The following SPATC1L variants were observed in gnomAD, a reference collection of about 807,000 sequenced individuals.
The protein encoded by SPATC1L is spermatogenesis and centriole associated 1 like, also known as speriolin-like protein.
In SPATC1L, 20 loss-of-function variants were observed where a neutral mutation model predicts 21.2. The observed-to-expected ratio is 0.94, with a 90% CI of 0.66 to 1.37. SPATC1L has a LOEUF of 1.37. SPATC1L is among the 40% of genes most tolerant of loss of function. SPATC1L has a pLI of 0.00. For missense variants in SPATC1L, 499 were observed against 478.7 expected, an observed-to-expected ratio of 1.04 and a Z score of -0.40; for synonymous variants, 290 against 234.5, an observed-to-expected ratio of 1.24 and a Z score of -2.16.
rs763702250 is a variant in SPATC1L at position 46,161,515 on chromosome 21, A to T, written c.887T>A (p.Leu296Gln). ...GCGCAGCGCGGCCGGGCTGCTGTGC[A>T]GGGGGTTGGCGCGCAGGTCGGGCCG... is the stretch of plus-strand genomic sequence containing the variant. ...KQRPDLRANP[L>Q]HSSPAALRKL... The change falls in exon 5 of 5, where the codon CTG (leucine) becomes CAG (glutamine). Residue 296 changes from leucine (L) to glutamine (Q), a missense_variant. By Grantham distance (113) the Leu-to-Gln change is moderately radical (BLOSUM62 -2). Coordinates refer to ENST00000291672, the MANE Select transcript of SPATC1L (RefSeq NM_001142854.2). The T allele has an allele frequency of 6.2e-7, 1 of 1,609,830 alleles. No homozygotes were observed. Among genetic ancestry groups the T allele is most frequent in the Non-Finnish European group, 8.5e-7 (1 of 1,178,590 alleles).
intron 2 of SPATC1L, among the ~76,000 whole-genome samples, chr21:46,176,104 C>G (rs188109199): frequency 3.6e-4 from 55 of 152,244 alleles, no homozygotes; most frequent in African/African-American, 1.2e-3. Context: ...ATTCAACACC[C>G]CTTCATGTTA....
chr21:46,161,752 G>T (rs760914850), intron 4 of SPATC1L, 47 bp from the exon 5 acceptor site: 7 of 1,507,306 alleles, frequency 4.6e-6, no homozygotes, highest in Non-Finnish European at 5.3e-6. Context: ...GGGGCCCTCG[G>T]ACGGGGACTT....
At chr21:46,169,558 C>A (rs2079568523) in intron 2 of SPATC1L, among the ~76,000 whole-genome samples, 1 of 142,138 alleles carries the variant, frequency 7.0e-6, no homozygotes, top group Non-Finnish European at 1.5e-5. Flanking sequence ...GCCTCCTGCT[C>A]TGTGTACATC....
Position 46,161,458 on chromosome 21 carries a change from A to C in SPATC1L, c.944T>G (p.Phe315Cys), listed in dbSNP as rs763796724. ...KLVIDVVPPKFLGDSLLLLNC... is the reference protein window; with the variant it reads ...KLVIDVVPPKCLGDSLLLLNC... ...GAGCAGCAGCAGCGAGTCGCCCAGG[A>C]ACTTGGGGGGCACCACGTCGATGAC... The change falls in exon 5 of 5, where the codon TTC becomes TGC. Residue 315 changes from phenylalanine to cysteine, a missense_variant. Phe to Cys is a radical substitution (Grantham distance 205). Coordinates refer to ENST00000291672, the MANE Select transcript of SPATC1L (RefSeq NM_001142854.2). 17 of 1,593,638 alleles carry C rather than the reference A, an allele frequency of 1.1e-5. No individual in the cohort carries two copies. The South Asian group carries it at 1.9e-4, about 18-fold the overall frequency.
chr21:46,175,205 G>T (rs2123646384), intron 2 of SPATC1L, among the ~76,000 whole-genome samples: 1 of 152,314 alleles, frequency 6.6e-6, no homozygotes, highest in East Asian at 1.9e-4. Flanking sequence ...ACATCAAAAA[G>T]TTGGAAAGAT....
rs375940944 is a variant in SPATC1L at position 46,168,293 on chromosome 21, C to G, written c.544+15G>C. ...CACTGGGGGCCCCCCCAGGTGCCCC[C>G]GCACCCGGCCATACCATTGAGGTAG... is the stretch of plus-strand genomic sequence containing the variant. On this transcript the variant is annotated intron_variant, in intron 3 of 4. Coordinates refer to ENST00000291672, the MANE Select transcript of SPATC1L (RefSeq NM_001142854.2). The G allele has an allele frequency of 1.3e-6, 2 of 1,538,674 alleles. No homozygotes were observed. The highest frequency in any genetic ancestry group is 1.8e-6 in the Non-Finnish European group (2 of 1,132,866).
At chr21:46,167,879 C>T (rs1330021844) in intron 3 of SPATC1L, among the ~76,000 whole-genome samples, 2 of 152,142 alleles carry the variant, frequency 1.3e-5, no homozygotes, top group East Asian at 3.9e-4. Flanking sequence ...ATCTGTGTGA[C>T]CTTGGGCTTG....
At chr21:46,175,582 C>T (rs2079626869) in intron 2 of SPATC1L, among the ~76,000 whole-genome samples, 1 of 152,126 alleles carries the variant, frequency 6.6e-6, no homozygotes, top group South Asian at 2.1e-4. Context: ...TTCCTGGACA[C>T]ATACACCCTC....
intron 3 of SPATC1L, among the ~76,000 whole-genome samples, chr21:46,166,090 G>A (rs921255743): frequency 2.6e-5 from 4 of 152,196 alleles, no homozygotes; most frequent in Non-Finnish European, 5.9e-5. Context: ...AAATAGGCAG[G>A]TGCAGTAGCT....
At chr21:46,168,210 A>C in intron 3 of SPATC1L, 98 bp downstream of exon 3, 1 of 746,014 alleles carries the variant, frequency 1.3e-6, no homozygotes, top group African/African-American at 1.8e-5. Context: ...GTGTGACTGG[A>C]TGGAGAAACG....
Position 46,171,321 on chromosome 21 carries a change from G to A in SPATC1L, c.194-2663C>T, listed in dbSNP as rs545792223. ...CAAATACATATTAGAGAAAGTGTTC[G>A]GAGCCATATCAAAAAATTATACCTT... On this transcript the variant is annotated intron_variant, in intron 2 of 4. Coordinates refer to ENST00000291672, the MANE Select transcript of SPATC1L (RefSeq NM_001142854.2). 1.4e-4 allele frequency among the ~76,000 whole-genome samples: 21 copies of A among 152,066 alleles called. No homozygotes were observed. The East Asian group carries it at 1.5e-3, about 11-fold the overall frequency.
In SPATC1L at chr21:46,166,812, C is replaced by A. The variant is rs564574930; in HGVS notation, c.544+1496G>T. On this transcript the variant is annotated intron_variant, in intron 3 of 4. Transcript: ENST00000291672. ...TACTAGAGCTAAATCGAGAGACAGACCCCAGTACAATAGTAACTGGAGACT... is the reference window on the plus strand; with the variant it reads ...TACTAGAGCTAAATCGAGAGACAGAACCCAGTACAATAGTAACTGGAGACT... Among the ~76,000 whole-genome samples the A allele has an allele frequency of 3.9e-5, 6 of 152,272 alleles. No individual in the cohort carries two copies. In the South Asian group the frequency reaches 8.3e-4, roughly 21 times the overall value.
rs374831921 is a variant in SPATC1L at position 46,180,374 on chromosome 21, T to C, written c.193+2250A>G. On this transcript the variant is annotated intron_variant, in intron 2 of 4. Coordinates refer to ENST00000291672, the MANE Select transcript of SPATC1L (RefSeq NM_001142854.2). Reference sequence around the variant, plus strand: ...CAGAGAAAACCCAAGAGAACGTTGATTGTGGCTGCCTTTGCGGAGGGGGCC... The same window carrying C: ...CAGAGAAAACCCAAGAGAACGTTGACTGTGGCTGCCTTTGCGGAGGGGGCC... Among the ~76,000 whole-genome samples, 464 of 152,300 alleles carry C rather than the reference T, an allele frequency of 3.0e-3. 22 individuals are homozygous for C. In the South Asian group the frequency reaches 0.077, roughly 25 times the overall value.
At chr21:46,168,221 G>A (rs1198373696) in intron 3 of SPATC1L, 87 bp downstream of exon 3, 3 of 877,660 alleles carry the variant, frequency 3.4e-6, no homozygotes, top group African/African-American at 3.4e-5. Flanking sequence ...TGGAGAAACG[G>A]CCCTGCCTGA....
In SPATC1L at chr21:46,168,375, C is replaced by T. The variant is rs2079556035; in HGVS notation, c.477G>A (p.Lys159=). 1.2e-6 allele frequency: 2 copies of T among 1,611,340 alleles called. No individual in the cohort carries two copies. Among genetic ancestry groups the T allele is most frequent in the African/African-American group, 1.3e-5 (1 of 74,900 alleles). ...LLEPREMVRP[K]KVCFSESSLP... ...GGCTGCTCTCCGAGAAACACACCTT[C>T]TTAGGCCGGACCATCTCCCTGGGCT... Residue 159 remains lysine, a synonymous_variant, in exon 3 of 5, where the codon AAG becomes AAA. Transcript: ENST00000291672.
At chr21:46,173,135 G>C (rs1298744083) in intron 2 of SPATC1L, among the ~76,000 whole-genome samples, 2 of 152,210 alleles carry the variant, frequency 1.3e-5, no homozygotes, top group African/African-American at 4.8e-5. Flanking sequence ...AGGAGACTTT[G>C]GACCTAGGGG....
intron 4 of SPATC1L, 27 bp from the exon 5 acceptor site, chr21:46,161,732 T>C: frequency 6.8e-7 from 1 of 1,472,450 alleles, no homozygotes; most frequent in Non-Finnish European, 9.2e-7. Flanking sequence ...TGGATGGGGG[T>C]GGGGGGCTCG....
Position 46,162,083 on chromosome 21 carries a change from C to T in SPATC1L, c.545-16G>A, listed in dbSNP as rs761908271. On this transcript the variant is annotated splice_polypyrimidine_tract_variant and intron_variant, in intron 3 of 4. Coordinates refer to ENST00000291672, the MANE Select transcript of SPATC1L (RefSeq NM_001142854.2). ...CTCTGGATCTCTGGGGGAGGGAAGG[C>T]CGGGGACAAGGTCAGGGGAGCGCGA... 7.7e-6 allele frequency: 12 copies of T among 1,559,662 alleles called. 2 individuals are homozygous for T. The East Asian group carries it at 2.1e-4, about 27-fold the overall frequency.
chr21:46,178,598 A>G (rs1248742426), intron 2 of SPATC1L, among the ~76,000 whole-genome samples: 1 of 152,148 alleles, frequency 6.6e-6, no homozygotes, highest in Non-Finnish European at 1.5e-5. Flanking sequence ...TTAAAAAAGA[A>G]ATACATGGCC....
Sources: allele counts gnomAD v4.1 joint callset (sites outside exome capture counted in the v4.1 genomes callset), GRCh38; gene constraint gnomAD v4.1.1; transcripts MANE v1.5; gene names NCBI Gene and HGNC (gene_info 2026-07-23, HGNC 2026-07-21).